Variants in CPA1 observed in about 807,000 individuals in gnomAD.
CPA1 encodes carboxypeptidase A1.
CPA1 carries 42 observed loss-of-function variants against 48.7 expected under a neutral mutation model. That is an observed-to-expected ratio of 0.86 (90% CI 0.67 to 1.11). CPA1 has a LOEUF of 1.11. Ranked by LOEUF, CPA1 falls within the 50% of genes most tolerant of loss-of-function variation. The pLI is 0.00. For synonymous variants in CPA1, 203 were observed against 217.9 expected (o/e 0.93, Z 0.60); for missense variants, 477 against 544.7 (o/e 0.88, Z 1.24).
rs1796391098 is a variant in CPA1 at position 130,380,582 on chromosome 7, T to TG, written c.65+1dup. ...GCTGTCTTTGGCAAGGAGGACTTTGTGGGGTAGGGATGTGGAGAGGAGGGG... is the reference window on the plus strand; with the variant it reads ...GCTGTCTTTGGCAAGGAGGACTTTGTGGGGGTAGGGATGTGGAGAGGAGGGG... On this transcript the variant is annotated frameshift_variant, in exon 1 of 10. Transcript: ENST00000011292. LOFTEE classifies it high-confidence loss of function. The TG allele has an allele frequency of 7.6e-7, 1 of 1,311,720 alleles. No individual in the cohort carries two copies. Among genetic ancestry groups the TG allele is most frequent in the East Asian group, 2.8e-5 (1 of 35,710 alleles). The allele number at this position is 1,311,720 out of a possible 1,614,324, so 81.3% of individuals were successfully genotyped here.
intron 2 of CPA1, 55 bp from the exon 3 acceptor site, chr7:130,381,575 G>C (rs1554411174): frequency 7.2e-7 from 1 of 1,388,196 alleles, no homozygotes; most frequent in Non-Finnish European, 1.0e-6. Context: ...CCTGCCTGCT[G>C]TCCTGGCTGG....
chr7:130,384,332 G>A (rs756635198), intron 6 of CPA1: 29 of 586,360 alleles, frequency 4.9e-5, no homozygotes, highest in Admixed American at 1.5e-4. Flanking sequence ...CTTCCTCCCC[G>A]ACAACCAGCT....
At chr7:130,381,566 C>T in intron 2 of CPA1, 64 bp from the exon 3 acceptor site, 1 of 1,284,538 alleles carries the variant, frequency 7.8e-7, no homozygotes, top group South Asian at 1.2e-5. Context: ...GGCCCTGTCC[C>T]TGCCTGCTGT....
At chr7:130,384,409 C>G (rs1554411680) in intron 6 of CPA1, 127 bp from the exon 7 acceptor site, 1 of 752,566 alleles carries the variant, frequency 1.3e-6, no homozygotes, top group South Asian at 1.6e-5. Flanking sequence ...GTGTTGAGGG[C>G]TTCCACCTCC....
At chr7:130,385,016 C>A in intron 7 of CPA1, 130 bp from the exon 8 acceptor site, 1 of 921,628 alleles carries the variant, frequency 1.1e-6, no homozygotes, top group Non-Finnish European at 1.7e-6. Flanking sequence ...GGCCTTTGGG[C>A]TTTCCTGAAT....
chr7:130,381,474 C>A lies in CPA1; in HGVS notation c.148-156C>A, dbSNP rs563357809. On this transcript the variant is annotated intron_variant, in intron 2 of 9. Coordinates refer to ENST00000011292, the MANE Select transcript of CPA1 (RefSeq NM_001868.4). ...CTGGACTCTCCAGTCCCCAGGGTTTCCCCGTATTTCTCTGGCCCTATTACC... is the reference window on the plus strand; with the variant it reads ...CTGGACTCTCCAGTCCCCAGGGTTTACCCGTATTTCTCTGGCCCTATTACC... 6.6e-5 allele frequency among the ~76,000 whole-genome samples: 10 copies of A among 152,228 alleles called. No homozygotes were observed. In the South Asian group the frequency reaches 1.4e-3, roughly 22 times the overall value.
rs988641054 is a variant in CPA1, at chr7:130,382,311, G to A, written c.483+102G>A. Reference sequence around the variant, plus strand: ...GGGAAATCATGGTACCAGGGAACACGCTGTTAAATGGACTCCCCATGCAGA... The same window carrying A: ...GGGAAATCATGGTACCAGGGAACACACTGTTAAATGGACTCCCCATGCAGA... On this transcript the variant is annotated intron_variant, in intron 4 of 9. Coordinates refer to ENST00000011292, the MANE Select transcript of CPA1 (RefSeq NM_001868.4). 3.0e-5 allele frequency: 26 copies of A among 860,218 alleles called. 1 individual carries two copies. Among genetic ancestry groups the A allele is most frequent in the Admixed American group, 9.8e-5 (5 of 50,852 alleles). 53.3% of individuals were successfully genotyped at this position (860,218 alleles called of 1,614,324 possible).
rs146357579 is a variant in CPA1 at position 130,381,786 on chromosome 7, G to C, written c.304G>C (p.Glu102Gln). 1 of 1,614,154 alleles carries C rather than the reference G, an allele frequency of 6.2e-7. No homozygotes were observed. The highest frequency in any genetic ancestry group is 8.5e-7 in the Non-Finnish European group (1 of 1,180,020). ...GCAGTCGCTGCTGGACGAGGAGCAG[G>C]AGCAGATGTTCGCCTTCCGGTCCCG... Reference protein sequence around the residue: ...DVQSLLDEEQEQMFAFRSRAR... With the variant: ...DVQSLLDEEQQQMFAFRSRAR... Residue 102 changes from glutamate (E) to glutamine (Q), a missense_variant, in exon 3 of 10, where the codon GAG (glutamate) becomes CAG (glutamine). Transcript: ENST00000011292.
At position 130,380,575 on chromosome 7, in the gene CPA1, G is replaced by A; in HGVS notation, c.55G>A (p.Asp19Asn). The change falls in exon 1 of 10, where the codon GAC becomes AAC. Residue 19 changes from aspartate (D) to asparagine (N), a missense_variant. By Grantham distance (23) the Asp-to-Asn change is conservative. Coordinates refer to ENST00000011292, the MANE Select transcript of CPA1 (RefSeq NM_001868.4). ...GTTGGGGGCTGTCTTTGGCAAGGAGGACTTTGTGGGGTAGGGATGTGGAGA... is the reference window on the plus strand; with the variant it reads ...GTTGGGGGCTGTCTTTGGCAAGGAGAACTTTGTGGGGTAGGGATGTGGAGA... ...VLLGAVFGKE[D>N]FVGHQVLRIS... is the part of the protein sequence containing the mutation. 1 of 1,314,382 alleles carries A rather than the reference G, an allele frequency of 7.6e-7. No individual in the cohort carries two copies. Among genetic ancestry groups the A allele is most frequent in the Non-Finnish European group, 9.8e-7 (1 of 1,022,238 alleles). The allele number at this position is 1,314,382 out of a possible 1,614,324, so 81.4% of individuals were successfully genotyped here.
rs376189548 is a variant in CPA1, at chr7:130,380,505, C to T, written c.-16C>T. The T allele has an allele frequency of 2.3e-6, 3 of 1,312,696 alleles. No homozygotes were observed. Among genetic ancestry groups the T allele is most frequent in the Non-Finnish European group, 2.9e-6 (3 of 1,021,558 alleles). 81.3% of individuals were successfully genotyped at this position (1,312,696 alleles called of 1,614,324 possible). On this transcript the variant is annotated 5_prime_UTR_variant, in exon 1 of 10. Coordinates refer to ENST00000011292, the MANE Select transcript of CPA1 (RefSeq NM_001868.4). ...GCCGTCTCGACCTCAGTCTGACCTT[C>T]CCTCCCGGCAGCAGCATGCGGGGGT...
rs782603249 is a variant in CPA1 at position 130,384,646 on chromosome 7, G to A, written c.787+20G>A. ...TTGGGTGTAAGGCCCAGAGTGTCTT[G>A]GGAGCAAGGATGGGATGGCCTCGAA... On this transcript the variant is annotated intron_variant, in intron 7 of 9. Coordinates refer to ENST00000011292, the MANE Select transcript of CPA1 (RefSeq NM_001868.4). 1.2e-5 allele frequency: 20 copies of A among 1,604,410 alleles called. No individual in the cohort carries two copies. The highest frequency in any genetic ancestry group is 1.2e-4 in the Admixed American group (7 of 59,990).
rs797037693 is a variant in CPA1 at position 130,380,545 on chromosome 7, G to T, written c.25G>T (p.Val9Phe). Reference sequence around the variant, plus strand: ...CATGCGGGGGTTGCTGGTGTTGAGTGTCCTGTTGGGGGCTGTCTTTGGCAA... The same window carrying T: ...CATGCGGGGGTTGCTGGTGTTGAGTTTCCTGTTGGGGGCTGTCTTTGGCAA... MRGLLVLSVLLGAVFGKED... is the reference protein window; with the variant it reads MRGLLVLSFLLGAVFGKED... The change falls in exon 1 of 10, where the codon GTC (valine) becomes TTC (phenylalanine). Residue 9 changes from valine to phenylalanine, a missense_variant. By Grantham distance (50) the Val-to-Phe change is conservative (BLOSUM62 -1). Coordinates refer to ENST00000011292, the MANE Select transcript of CPA1 (RefSeq NM_001868.4). 1 of 1,316,996 alleles carries T rather than the reference G, an allele frequency of 7.6e-7. No homozygotes were observed. Among genetic ancestry groups the T allele is most frequent in the Non-Finnish European group, 9.8e-7 (1 of 1,024,884 alleles). 81.6% of individuals were successfully genotyped at this position (1,316,996 alleles called of 1,614,324 possible).
In CPA1 at chr7:130,381,694, G is replaced by A. The variant is rs1554411204; in HGVS notation, c.212G>A (p.Ser71Asn). 1 of 1,614,070 alleles carries A rather than the reference G, an allele frequency of 6.2e-7. No homozygotes were observed. The highest frequency in any genetic ancestry group is 2.2e-5 in the East Asian group (1 of 44,854). The change falls in exon 3 of 10, where the codon AGC becomes AAC. Residue 71 changes from serine (S) to asparagine (N), a missense_variant. Coordinates refer to ENST00000011292, the MANE Select transcript of CPA1 (RefSeq NM_001868.4). ...ATCGACGTCCGAGTGCCCTTCCCCA[G>A]CATCCAGGCGGTCAAGATCTTTCTG... ...SPIDVRVPFP[S>N]IQAVKIFLES...
chr7:130,383,999 CGG>C, intron 6 of CPA1: 2 of 592,030 alleles, frequency 3.4e-6, no homozygotes, highest in Non-Finnish European at 6.1e-6. Flanking sequence ...TGTGCATCCA[CGG>C]TGTTTCTAGC....
At chr7:130,385,125 A>T in intron 7 of CPA1, 21 bp from the exon 8 acceptor site, 2 of 1,613,206 alleles carry the variant, frequency 1.2e-6, no homozygotes, top group Non-Finnish European at 1.7e-6. Flanking sequence ...CCACACCGCC[A>T]TGCCCTCTGT....
rs114294426 is a variant in CPA1, at chr7:130,384,362, A to G, written c.697-174A>G. 109 of 606,498 alleles carry G rather than the reference A, an allele frequency of 1.8e-4. No homozygotes were observed. In the African/African-American group the frequency reaches 1.8e-3, roughly 10 times the overall value. The allele number at this position is 606,498 out of a possible 1,614,324, so 37.6% of individuals were successfully genotyped here. The stretch of plus-strand genomic sequence containing the variant: ...CCAGCTGGGAGTGGATCCCATCCCA[A>G]GCTGTGCCTGCAGCTCAGCTTCCAA... On this transcript the variant is annotated intron_variant, in intron 6 of 9. Coordinates refer to ENST00000011292, the MANE Select transcript of CPA1 (RefSeq NM_001868.4).
At chr7:130,386,519 G>A (rs1014615301) in intron 9 of CPA1, among the ~76,000 whole-genome samples, 1 of 151,878 alleles carries the variant, frequency 6.6e-6, no homozygotes, top group Non-Finnish European at 1.5e-5. Flanking sequence ...GCGACACAGC[G>A]AGACTCCATG....
At chr7:130,385,459 TTCC>T in intron 8 of CPA1, 114 bp downstream of exon 8, 1 of 946,872 alleles carries the variant, frequency 1.1e-6, no homozygotes, top group Non-Finnish European at 1.7e-6. Flanking sequence ...CCTGACACCC[TTCC>T]TTCCCTGATG....
At chr7:130,386,510 C>T (rs113487769) in intron 9 of CPA1, among the ~76,000 whole-genome samples, 2,540 of 151,814 alleles carry the variant, frequency 0.017, 63 homozygotes, top group African/African-American at 0.058. Context: ...CCAGCCTGGG[C>T]GACACAGCGA....
Sources: gnomAD v4.1 joint callset for allele counts (sites outside exome capture counted in the v4.1 genomes callset) on GRCh38, gnomAD v4.1.1 for gene constraint, MANE v1.5 for transcripts, NCBI Gene and HGNC (gene_info 2026-07-23, HGNC 2026-07-21) for gene names.